The following ZNF407 variants were observed in gnomAD, a reference collection of about 807,000 sequenced individuals.
ZNF407 encodes the protein zinc finger protein 407.
A neutral mutation model predicts 131.2 loss-of-function variants in ZNF407; 17 were observed. The ratio of observed to expected loss-of-function variants is 0.13; its 90% CI spans 0.09 to 0.19. The LOEUF (loss-of-function observed/expected upper bound fraction) is 0.19. Among genes scored for constraint, ZNF407 ranks in the 10% least tolerant of loss-of-function variants. The pLI, the probability that ZNF407 is intolerant of heterozygous loss-of-function variation, is 1.00. For missense variants in ZNF407, 2,681 were observed against 2,830.6 expected (o/e 0.95, Z 1.20); for synonymous variants, 1,156 against 1,062.0 (o/e 1.09, Z -1.72).
At chr18:74,903,448 C>G (rs1971555686) in intron 7 of ZNF407, among the ~76,000 whole-genome samples, 1 of 152,070 alleles carries the variant, frequency 6.6e-6, no homozygotes, top group Non-Finnish European at 1.5e-5. Context: ...ATATTTCTGT[C>G]TACCATTTTT....
intron 3 of ZNF407, among the ~76,000 whole-genome samples, chr18:74,766,435 T>A (rs1283072463): frequency 6.6e-6 from 1 of 152,148 alleles, no homozygotes; most frequent in Non-Finnish European, 1.5e-5. Context: ...GTTTGGTTGT[T>A]GTCTTGTGAT....
chr18:75,001,790 G>C (rs1599287620), intron 8 of ZNF407, among the ~76,000 whole-genome samples: 1 of 152,216 alleles, frequency 6.6e-6, no homozygotes, highest in African/African-American at 2.4e-5. Flanking sequence ...ATAGTAGGTT[G>C]TATGTGGAAT....
intron 8 of ZNF407, among the ~76,000 whole-genome samples, chr18:75,024,227 G>T (rs1973145107): frequency 6.6e-6 from 1 of 152,166 alleles, no homozygotes; most frequent in Non-Finnish European, 1.5e-5. Flanking sequence ...CTGGTTTCAG[G>T]GGTGTATTTG....
In ZNF407 at chr18:74,890,000, T is replaced by C; in HGVS notation, c.5211T>C (p.Thr1737=). The C allele has an allele frequency of 1.9e-6, 3 of 1,603,462 alleles. No homozygotes were observed. Among genetic ancestry groups the C allele is most frequent in the Non-Finnish European group, 2.6e-6 (3 of 1,174,736 alleles). The change falls in exon 7 of 9, where the codon ACT becomes ACC. Residue 1737 remains threonine, a synonymous_variant. Transcript: ENST00000299687. ...SHLTRHKRVH[T]GEKPYRCPWC... is the part of the protein sequence containing the mutation. ...TGACTCGGCATAAACGTGTCCACAC[T>C]GGAGAAAAGCCCTACAGATGCCCCT... is the stretch of plus-strand genomic sequence containing the variant.
intron 1 of ZNF407, among the ~76,000 whole-genome samples, chr18:74,613,392 T>A (rs966884216): frequency 2.6e-5 from 4 of 152,220 alleles, no homozygotes; most frequent in Admixed American, 1.3e-4. Context: ...AAAAGATGAC[T>A]CTAGAAGTCA....
chr18:74,974,704 G>T (rs185634539), intron 8 of ZNF407, among the ~76,000 whole-genome samples: 1 of 152,248 alleles, frequency 6.6e-6, no homozygotes, highest in East Asian at 1.9e-4. Flanking sequence ...TGGGGCATGA[G>T]GGGACACTAA....
At chr18:74,799,789 A>T (rs1320507528) in intron 4 of ZNF407, among the ~76,000 whole-genome samples, 2 of 152,042 alleles carry the variant, frequency 1.3e-5, no homozygotes, top group Non-Finnish European at 2.9e-5. Context: ...TGTATCCTAC[A>T]AGTAGCAATA....
At chr18:74,988,567 C>T (rs1308721526) in intron 8 of ZNF407, among the ~76,000 whole-genome samples, 2 of 151,384 alleles carry the variant, frequency 1.3e-5, no homozygotes, top group African/African-American at 4.8e-5. Flanking sequence ...CAAATCACCA[C>T]TCAAAAATAA....
intron 8 of ZNF407, among the ~76,000 whole-genome samples, chr18:74,934,867 A>G (rs1256728722): frequency 6.6e-6 from 1 of 152,212 alleles, no homozygotes; most frequent in Non-Finnish European, 1.5e-5. Context: ...AAATAAGCCA[A>G]TATTTGCAAA....
chr18:74,767,279 C>T (rs1301781068), intron 3 of ZNF407, among the ~76,000 whole-genome samples: 2 of 152,112 alleles, frequency 1.3e-5, no homozygotes, highest in African/African-American at 2.4e-5. Context: ...TAGTTTATTA[C>T]AAATTGTTAT....
intron 3 of ZNF407, among the ~76,000 whole-genome samples, chr18:74,776,090 A>G (rs138710972): frequency 1.3e-5 from 2 of 152,290 alleles, no homozygotes; most frequent in African/African-American, 4.8e-5. Flanking sequence ...GTGCCATAGT[A>G]TTAATTAGTT....
chr18:74,900,523 C>A (rs1971510151), intron 7 of ZNF407, among the ~76,000 whole-genome samples: 1 of 152,210 alleles, frequency 6.6e-6, no homozygotes, highest in Non-Finnish European at 1.5e-5. Flanking sequence ...ATTTAACAAG[C>A]TGCTTGCTGC....
intron 6 of ZNF407, among the ~76,000 whole-genome samples, chr18:74,886,986 G>T (rs904383252): frequency 1.3e-5 from 2 of 152,162 alleles, no homozygotes; most frequent in African/African-American, 4.8e-5. Context: ...CTAGCCTAGT[G>T]CTTCCTTTGT....
chr18:74,776,163 A>G (rs1379019235), intron 3 of ZNF407, among the ~76,000 whole-genome samples: 2 of 152,190 alleles, frequency 1.3e-5, no homozygotes, highest in African/African-American at 4.8e-5. Context: ...GTGTCCTTAT[A>G]AGAAAGGCTT....
intron 4 of ZNF407, among the ~76,000 whole-genome samples, chr18:74,815,270 A>G (rs1196209018): frequency 1.3e-5 from 2 of 152,168 alleles, no homozygotes; most frequent in Admixed American, 6.5e-5. Context: ...AGGCTGGACT[A>G]TGATCTTACT....
intron 7 of ZNF407, among the ~76,000 whole-genome samples, chr18:74,892,040 T>A (rs1971392318): frequency 6.6e-6 from 1 of 152,196 alleles, no homozygotes. Context: ...AGATTATGTA[T>A]AAAATTCCAC....
chr18:74,616,697 T>C (rs1983301652), intron 1 of ZNF407, among the ~76,000 whole-genome samples: 1 of 151,686 alleles, frequency 6.6e-6, no homozygotes, highest in Non-Finnish European at 1.5e-5. Flanking sequence ...CCCATTTGCT[T>C]TGTTGTTTCC....
At chr18:74,613,700 A>T (rs1983162574) in intron 1 of ZNF407, among the ~76,000 whole-genome samples, 1 of 152,218 alleles carries the variant, frequency 6.6e-6, no homozygotes, top group Non-Finnish European at 1.5e-5. Flanking sequence ...ACATTTTGCT[A>T]AATTTAGCAA....
chr18:74,887,698 CT>C (rs1485878108), intron 6 of ZNF407, among the ~76,000 whole-genome samples: 1 of 152,148 alleles, frequency 6.6e-6, no homozygotes, highest in African/African-American at 2.4e-5. Flanking sequence ...ATAAAAGCCA[CT>C]GGCTATTGAG....
Sources: gnomAD v4.1 joint callset for allele counts (sites outside exome capture counted in the v4.1 genomes callset) on GRCh38, gnomAD v4.1.1 for gene constraint, MANE v1.5 for transcripts, NCBI Gene and HGNC (gene_info 2026-07-23, HGNC 2026-07-21) for gene names.